CMTM4: variants seen among roughly 807,000 people sequenced by gnomAD.
The protein encoded by CMTM4 is CKLF-like MARVEL transmembrane domain-containing protein 4.
In CMTM4, 8 loss-of-function variants were observed where a neutral mutation model predicts 19.0. The ratio of observed to expected loss-of-function variants is 0.42; its 90% CI spans 0.25 to 0.76. The LOEUF (loss-of-function observed/expected upper bound fraction) is 0.76, where lower values mean the gene tolerates loss of function less well. CMTM4 is among the 30% of genes least tolerant of loss of function. The pLI is 0.27. For missense variants in CMTM4, 228 were observed against 290.2 expected (o/e 0.79, Z 1.56); for synonymous variants, 106 against 121.1 (o/e 0.88, Z 0.82).
rs1461953123 is a variant in CMTM4, at chr16:66,620,768, A to G, written c.*1290T>C. On this transcript the variant is annotated 3_prime_UTR_variant, in exon 4 of 4. Transcript: ENST00000394106. Reference sequence around the variant, plus strand: ...GGTTTGTAAACATTAAAAACAGTTCAAAGAGGGAAAACCTGACAAACTAAA... The same window carrying G: ...GGTTTGTAAACATTAAAAACAGTTCGAAGAGGGAAAACCTGACAAACTAAA... 2 of 985,684 alleles carry G rather than the reference A, an allele frequency of 2.0e-6. No homozygotes were observed. Among genetic ancestry groups the G allele is most frequent in the Non-Finnish European group, 2.4e-6 (2 of 829,938 alleles). 61.1% of individuals were successfully genotyped at this position (985,684 alleles called of 1,614,324 possible).
At chr16:66,625,965 T>C (rs2015730629) in intron 2 of CMTM4, among the ~76,000 whole-genome samples, 1 of 152,164 alleles carries the variant, frequency 6.6e-6, no homozygotes, top group Non-Finnish European at 1.5e-5. Flanking sequence ...AACATTTCAA[T>C]TGTCAGAGCA....
At position 66,669,532 on chromosome 16, in the gene CMTM4, T is replaced by C. The variant is rs546498269; in HGVS notation, c.186+26808A>G. Among the ~76,000 whole-genome samples, 5 of 151,666 alleles carry C rather than the reference T, an allele frequency of 3.3e-5. No individual in the cohort carries two copies. In the East Asian group the frequency reaches 5.8e-4, roughly 18 times the overall value. On this transcript the variant is annotated intron_variant, in intron 1 of 3. Transcript: ENST00000394106. Reference sequence around the variant, plus strand: ...TCCTTGGCATGTGCCCAAACCTCTATAGCTCAAACATTTGCTGGATTTTTT... The same window carrying C: ...TCCTTGGCATGTGCCCAAACCTCTACAGCTCAAACATTTGCTGGATTTTTT...
At chr16:66,652,218 G>A (rs1430467852) in intron 1 of CMTM4, among the ~76,000 whole-genome samples, 1 of 152,196 alleles carries the variant, frequency 6.6e-6, no homozygotes, top group African/African-American at 2.4e-5. Context: ...TCAGGATGGT[G>A]AAAGAAAACA....
downstream of CMTM4, chr16:66,613,204 C>A: frequency 1.4e-6 from 1 of 694,060 alleles, no homozygotes; most frequent in South Asian, 1.5e-5. Context: ...TTTGCCTTGT[C>A]GCCCAGGAAG....
chr16:66,630,440 C>T (rs1354890738), intron 2 of CMTM4, among the ~76,000 whole-genome samples: 3 of 151,352 alleles, frequency 2.0e-5, no homozygotes, highest in African/African-American at 7.3e-5. Context: ...ACCTCCCTGC[C>T]TGATTCTCCT....
downstream of CMTM4, chr16:66,613,180 G>A (rs182652960): frequency 2.2e-4 from 152 of 701,348 alleles, no homozygotes; most frequent in East Asian, 3.3e-3. Flanking sequence ...TCTTGAAGCA[G>A]GGAGAAATTG....
intron 1 of CMTM4, among the ~76,000 whole-genome samples, chr16:66,695,019 T>C (rs918491769): frequency 6.6e-6 from 1 of 152,130 alleles, no homozygotes; most frequent in African/African-American, 2.4e-5. Context: ...CACATTATAT[T>C]ATTCCCAAGG....
At chr16:66,681,002 G>A (rs184937526) in intron 1 of CMTM4, among the ~76,000 whole-genome samples, 102 of 152,122 alleles carry the variant, frequency 6.7e-4, no homozygotes, top group African/African-American at 2.3e-3. Flanking sequence ...ACAGAAATAC[G>A]TAAGCCACAC....
chr16:66,662,267 G>C (rs2016511868), intron 1 of CMTM4, among the ~76,000 whole-genome samples: 1 of 152,180 alleles, frequency 6.6e-6, no homozygotes, highest in Admixed American at 6.6e-5. Context: ...GTAGGCAGAT[G>C]GTGAAGATGC....
intron 1 of CMTM4, among the ~76,000 whole-genome samples, chr16:66,675,457 T>TA (rs35189676): frequency 0.18 from 20,310 of 115,092 alleles, 2,598 homozygotes; most frequent in African/African-American, 0.36. Context: ...TATTATTCAT[T>TA]AAAAAAAAAA....
At chr16:66,664,605 A>C (rs1461086378) in intron 1 of CMTM4, among the ~76,000 whole-genome samples, 1 of 152,138 alleles carries the variant, frequency 6.6e-6, no homozygotes, top group Non-Finnish European at 1.5e-5. Context: ...TACAATATTA[A>C]TGTTATAATT....
Position 66,620,465 on chromosome 16 carries a change from C to G in CMTM4, c.*1593G>C. 1 of 985,546 alleles carries G rather than the reference C, an allele frequency of 1.0e-6. No individual in the cohort carries two copies. Among genetic ancestry groups the G allele is most frequent in the Non-Finnish European group, 1.2e-6 (1 of 830,004 alleles). 61.1% of individuals were successfully genotyped at this position (985,546 alleles called of 1,614,324 possible). A position where few individuals can be genotyped will look rare whatever the true frequency, so the allele number is the denominator to read the frequency against. ...TGTTGGTGCAGGAAGCTAACCCCAACTCCGACCCCCAGCCCAGCAGTGTTG... is the reference window on the plus strand; with the variant it reads ...TGTTGGTGCAGGAAGCTAACCCCAAGTCCGACCCCCAGCCCAGCAGTGTTG... On this transcript the variant is annotated 3_prime_UTR_variant, in exon 4 of 4. Coordinates refer to ENST00000394106, the MANE Select transcript of CMTM4 (RefSeq NM_181521.3).
Position 66,696,267 on chromosome 16 carries a change from C to A in CMTM4, c.186+73G>T. The A allele has an allele frequency of 1.8e-6, 2 of 1,115,902 alleles. No individual in the cohort carries two copies. The highest frequency in any genetic ancestry group is 2.3e-6 in the Non-Finnish European group (2 of 875,082). 69.1% of individuals were successfully genotyped at this position (1,115,902 alleles called of 1,614,324 possible). On this transcript the variant is annotated intron_variant, in intron 1 of 3. Transcript: ENST00000394106. This position sits in a 1 kb window ranked among gnomAD's most constrained non-coding sequence, Gnocchi z 4.3. ...GGGCAAGCGGGTACGCGGCGGAGGCCCCGCAGCGGGGCGGGGAGGGAGGCG... is the reference window on the plus strand; with the variant it reads ...GGGCAAGCGGGTACGCGGCGGAGGCACCGCAGCGGGGCGGGGAGGGAGGCG...
the CMTM4 span, among the ~76,000 whole-genome samples, chr16:66,601,768 C>T: frequency 2.0e-5 from 3 of 152,318 alleles, no homozygotes; most frequent in Non-Finnish European, 2.9e-5. Flanking sequence ...AAGGCACTTC[C>T]GAGCCTGGGA....
intron 1 of CMTM4, among the ~76,000 whole-genome samples, chr16:66,680,920 G>C (rs1278070981): frequency 6.6e-6 from 1 of 151,616 alleles, no homozygotes; most frequent in Non-Finnish European, 1.5e-5. Flanking sequence ...CAAAGTCTCT[G>C]ACCAGGTCCT....
Position 66,622,043 on chromosome 16 carries a change from G to A in CMTM4, c.*15C>T, listed in dbSNP as rs941203247. The A allele has an allele frequency of 6.4e-7, 1 of 1,555,734 alleles. No individual in the cohort carries two copies. The highest frequency in any genetic ancestry group is 1.4e-5 in the African/African-American group (1 of 73,726). On this transcript the variant is annotated 3_prime_UTR_variant, in exon 4 of 4. Coordinates refer to ENST00000394106, the MANE Select transcript of CMTM4 (RefSeq NM_181521.3). This position sits in a 1 kb window ranked among gnomAD's most constrained non-coding sequence, Gnocchi z 4.0. ...CAGGCACGAGGACGGGAGGGAGGAG[G>A]ATCCAGGCAGGTCCTCACGTGTCCA...
Position 66,617,240 on chromosome 16 carries a change from T to A in CMTM4, c.*4818A>T. 6.3e-7 allele frequency: 1 copy of A among 1,596,590 alleles called. No homozygotes were observed. The highest frequency in any genetic ancestry group is 1.1e-5 in the South Asian group (1 of 88,236). Reference sequence around the variant, plus strand: ...TAGACAACAAACTTACCCTATGAAATAGATACACAGTTCAAGGACCCATCA... The same window carrying A: ...TAGACAACAAACTTACCCTATGAAAAAGATACACAGTTCAAGGACCCATCA... On this transcript the variant is annotated 3_prime_UTR_variant, in exon 4 of 4. Transcript: ENST00000394106.
intron 1 of CMTM4, among the ~76,000 whole-genome samples, chr16:66,687,848 C>T (rs2017064690): frequency 2.0e-5 from 3 of 152,044 alleles, no homozygotes; most frequent in Non-Finnish European, 1.5e-5. Context: ...CCACCACACC[C>T]GGCTAATTTT....
At chr16:66,674,117 T>C (rs2016761578) in intron 1 of CMTM4, among the ~76,000 whole-genome samples, 1 of 152,196 alleles carries the variant, frequency 6.6e-6, no homozygotes, top group Non-Finnish European at 1.5e-5. Context: ...CAGAGCCAAG[T>C]TCTCTTTCAG....
Sources: allele counts gnomAD v4.1 joint callset (sites outside exome capture counted in the v4.1 genomes callset), GRCh38; gene constraint gnomAD v4.1.1; non-coding constraint Gnocchi (gnomAD v3.1); transcripts MANE v1.5; gene names NCBI Gene and HGNC (gene_info 2026-07-23, HGNC 2026-07-21).